The following PPM1L variants were observed in gnomAD, a reference collection of about 807,000 sequenced individuals.
PPM1L encodes protein phosphatase, Mg2+/Mn2+ dependent 1L, also known as protein phosphatase 1L.
Under a neutral mutation model 31.4 loss-of-function variants are expected in PPM1L, and 13 were observed. The observed-to-expected ratio is 0.41, with a 90% CI of 0.27 to 0.66. The LOEUF (loss-of-function observed/expected upper bound fraction) is 0.66. Ranked by LOEUF, PPM1L falls within the 30% of genes least tolerant of loss-of-function variation. PPM1L has a pLI of 0.29. For missense variants in PPM1L, 326 were observed against 453.7 expected, an observed-to-expected ratio of 0.72 and a Z score of 2.56; for synonymous variants, 184 against 175.4, an observed-to-expected ratio of 1.05 and a Z score of -0.39.
chr3:160,799,989 C>T (rs1712376469), intron 1 of PPM1L, among the ~76,000 whole-genome samples: 1 of 152,118 alleles, frequency 6.6e-6, no homozygotes, highest in Non-Finnish European at 1.5e-5. Context: ...GTGCCTAGGA[C>T]ACTACTTGGT....
chr3:160,899,096 T>G (rs1327635637), intron 1 of PPM1L, among the ~76,000 whole-genome samples: 1 of 152,118 alleles, frequency 6.6e-6, no homozygotes, highest in Non-Finnish European at 1.5e-5. Flanking sequence ...GTAAACCTAC[T>G]GAATAGATGA....
chr3:161,050,697 A>C (rs2108098233), intron 2 of PPM1L, among the ~76,000 whole-genome samples: 1 of 152,276 alleles, frequency 6.6e-6, no homozygotes, highest in African/African-American at 2.4e-5. Context: ...AAACACTATA[A>C]TTAATGTCCT....
chr3:160,990,663 A>G (rs1345812089), intron 2 of PPM1L, among the ~76,000 whole-genome samples: 1 of 152,216 alleles, frequency 6.6e-6, no homozygotes, highest in Non-Finnish European at 1.5e-5. Context: ...AAACAAAGTG[A>G]AAGGTCCCTT....
chr3:160,767,143 CACAG>C (rs1482237169), intron 1 of PPM1L, among the ~76,000 whole-genome samples: 1 of 152,164 alleles, frequency 6.6e-6, no homozygotes, highest in Non-Finnish European at 1.5e-5. Flanking sequence ...TTCTGAGACT[CACAG>C]ACTTTTTACC....
At chr3:160,835,794 G>A (rs536509400) in intron 1 of PPM1L, among the ~76,000 whole-genome samples, 1 of 151,990 alleles carries the variant, frequency 6.6e-6, no homozygotes, top group South Asian at 2.1e-4. Flanking sequence ...TTTTGAGTAG[G>A]GAATATGATC....
At chr3:160,937,673 T>G (rs1375996863) in intron 1 of PPM1L, among the ~76,000 whole-genome samples, 1 of 152,138 alleles carries the variant, frequency 6.6e-6, no homozygotes, top group Non-Finnish European at 1.5e-5. Context: ...GAGAAATCTT[T>G]GACCCAATTG....
intron 1 of PPM1L, among the ~76,000 whole-genome samples, chr3:160,910,207 CCCT>C (rs1713908367): frequency 9.9e-6 from 1 of 101,228 alleles, no homozygotes; most frequent in Non-Finnish European, 1.9e-5. Flanking sequence ...CCTTCCCTGT[CCCT>C]TTCCCCTTCC....
At chr3:160,892,729 A>T (rs1713200262) in intron 1 of PPM1L, among the ~76,000 whole-genome samples, 1 of 152,162 alleles carries the variant, frequency 6.6e-6, no homozygotes, top group African/African-American at 2.4e-5. Flanking sequence ...CTCTGCAACT[A>T]ATATTACTTC....
chr3:160,864,085 T>C (rs2108024136), intron 1 of PPM1L, among the ~76,000 whole-genome samples: 1 of 152,330 alleles, frequency 6.6e-6, no homozygotes, highest in African/African-American at 2.4e-5. Context: ...CCACTCCGTA[T>C]TGAATTGCTG....
rs377084167 is a variant in PPM1L, at chr3:160,955,991, A to G, written c.400-5745A>G. ...TAAGATGAATTGTGAAACATTTAGCAGCTCTTGAAATATACTTTTGCACCA... is the reference window on the plus strand; with the variant it reads ...TAAGATGAATTGTGAAACATTTAGCGGCTCTTGAAATATACTTTTGCACCA... On this transcript the variant is annotated intron_variant, in intron 1 of 3. Coordinates refer to ENST00000498165, the MANE Select transcript of PPM1L (RefSeq NM_139245.4). Among the ~76,000 whole-genome samples the G allele has an allele frequency of 7.2e-5, 11 of 152,264 alleles. No individual in the cohort carries two copies. In the East Asian group the frequency reaches 2.1e-3, roughly 29 times the overall value.
chr3:160,821,144 A>G lies in PPM1L; in HGVS notation c.399+64437A>G, dbSNP rs567769624. Reference sequence around the variant, plus strand: ...CACCGGTCATGGCCCTTGAAAGCACACATCTTTTCCTTCCCCTATTCCTCT... The same window carrying G: ...CACCGGTCATGGCCCTTGAAAGCACGCATCTTTTCCTTCCCCTATTCCTCT... On this transcript the variant is annotated intron_variant, in intron 1 of 3. Coordinates refer to ENST00000498165, the MANE Select transcript of PPM1L (RefSeq NM_139245.4). Among the ~76,000 whole-genome samples, 6 of 152,120 alleles carry G rather than the reference A, an allele frequency of 3.9e-5. No individual in the cohort carries two copies. The East Asian group carries it at 7.7e-4, about 20-fold the overall frequency.
At chr3:161,030,935 A>G (rs1400905495) in intron 2 of PPM1L, among the ~76,000 whole-genome samples, 1 of 152,240 alleles carries the variant, frequency 6.6e-6, no homozygotes, top group Non-Finnish European at 1.5e-5. Flanking sequence ...GAAGACTTCT[A>G]ATCAAAATAA....
chr3:161,011,737 C>T (rs1306239588), intron 2 of PPM1L, among the ~76,000 whole-genome samples: 16 of 152,210 alleles, frequency 1.1e-4, no homozygotes, highest in Non-Finnish European at 1.9e-4. Context: ...CTTCACATCC[C>T]TTGTAAGTTG....
intron 1 of PPM1L, among the ~76,000 whole-genome samples, chr3:160,850,597 A>G (rs995983097): frequency 6.6e-6 from 1 of 152,152 alleles, no homozygotes. Context: ...TCCTGAGGCT[A>G]TCCAGGAGCC....
chr3:160,873,164 C>A (rs1174282492), intron 1 of PPM1L, among the ~76,000 whole-genome samples: 2 of 152,128 alleles, frequency 1.3e-5, no homozygotes, highest in Middle Eastern at 3.2e-3. Flanking sequence ...AGCTAACTTC[C>A]TATTCTCAGT....
chr3:160,895,779 T>G (rs980627807), intron 1 of PPM1L, among the ~76,000 whole-genome samples: 2 of 152,214 alleles, frequency 1.3e-5, no homozygotes, highest in African/African-American at 4.8e-5. Flanking sequence ...AAATGTTTTA[T>G]AAATTGAAAA....
intron 1 of PPM1L, among the ~76,000 whole-genome samples, chr3:160,822,957 TAAAC>T (rs1450997026): frequency 6.6e-6 from 1 of 151,142 alleles, no homozygotes; most frequent in Non-Finnish European, 1.5e-5. Flanking sequence ...GGAAAACATA[TAAAC>T]AAAAACCATG....
At chr3:161,058,616 G>A (rs1437141350) in intron 2 of PPM1L, among the ~76,000 whole-genome samples, 1 of 151,944 alleles carries the variant, frequency 6.6e-6, no homozygotes, top group African/African-American at 2.4e-5. Flanking sequence ...GCTGAGGATT[G>A]GGGTGGGCGT....
At chr3:160,993,368 C>T (rs1717197429) in intron 2 of PPM1L, among the ~76,000 whole-genome samples, 2 of 152,086 alleles carry the variant, frequency 1.3e-5, no homozygotes, top group South Asian at 4.1e-4. Flanking sequence ...TATCCTGATT[C>T]TCTACAGGAG....
Sources: allele counts gnomAD v4.1 joint callset (sites outside exome capture counted in the v4.1 genomes callset), GRCh38; gene constraint gnomAD v4.1.1; transcripts MANE v1.5; gene names NCBI Gene and HGNC (gene_info 2026-07-23, HGNC 2026-07-21).